The following CACNA1C variants were observed in gnomAD, a reference collection of about 807,000 sequenced individuals.
CACNA1C encodes voltage-dependent L-type calcium channel subunit alpha-1C.
In CACNA1C, 30 loss-of-function variants were observed where a neutral mutation model predicts 229.0. The observed-to-expected ratio is 0.13, with a 90% CI of 0.10 to 0.18. The LOEUF (loss-of-function observed/expected upper bound fraction) is 0.18. Ranked by LOEUF, CACNA1C falls within the 10% of genes least tolerant of loss-of-function variation. The pLI, the probability that CACNA1C is intolerant of heterozygous loss-of-function variation, is 1.00. For synonymous variants in CACNA1C, 1,114 were observed against 1,132.5 expected (o/e 0.98, Z 0.33); for missense variants, 1,658 against 2,845.0 (o/e 0.58, Z 9.49).
intron 1 of CACNA1C, among the ~76,000 whole-genome samples, chr12:2,085,561 G>A (rs1000907708): frequency 1.3e-5 from 2 of 152,124 alleles, no homozygotes; most frequent in South Asian, 2.1e-4. Flanking sequence ...ATTCAATTGA[G>A]TGGGGTAATT....
rs376987352 is a variant in CACNA1C at position 2,695,797 on chromosome 12, A to G, written c.*4598A>G. 3.3e-5 allele frequency: 5 copies of G among 152,184 alleles called. 1 individual carries two copies. In the East Asian group the frequency reaches 7.7e-4, roughly 23 times the overall value. The allele number at this position is 152,184 out of a possible 1,614,324, so 9.4% of individuals were successfully genotyped here. Reference sequence around the variant, plus strand: ...TCATTCATCAATTTATTCTTATGTCAAAGCAATGAAACTTTTCTTTCTGGA... The same window carrying G: ...TCATTCATCAATTTATTCTTATGTCGAAGCAATGAAACTTTTCTTTCTGGA... On this transcript the variant is annotated 3_prime_UTR_variant, in exon 47 of 47. Transcript: ENST00000399655.
In CACNA1C at chr12:2,665,551, C is replaced by T. The variant is rs1482963291; in HGVS notation, c.4399-30C>T. On this transcript the variant is annotated intron_variant, in intron 35 of 46. Coordinates refer to ENST00000399655, the MANE Select transcript of CACNA1C (RefSeq NM_000719.7). This position sits in a 1 kb window ranked among gnomAD's most constrained non-coding sequence, Gnocchi z 5.9. ...AGGCAGGTGTGTAGGAAGGTCTTCT[C>T]ACAGCACCTCATTGTACTGTTCCCC... The T allele has an allele frequency of 1.9e-6, 3 of 1,611,176 alleles. No individual in the cohort carries two copies. Among genetic ancestry groups the T allele is most frequent in the Non-Finnish European group, 1.7e-6 (2 of 1,178,218 alleles).
intron 3 of CACNA1C, among the ~76,000 whole-genome samples, chr12:2,256,733 C>T (rs1274860021): frequency 6.6e-6 from 1 of 151,954 alleles, no homozygotes; most frequent in African/African-American, 2.4e-5. Flanking sequence ...GCCTAATGAT[C>T]AGTTGTAAAC....
Position 2,319,774 on chromosome 12 carries a change from A to G in CACNA1C, c.478-129202A>G, listed in dbSNP as rs1200294434. 2.0e-5 allele frequency among the ~76,000 whole-genome samples: 3 copies of G among 152,144 alleles called. No homozygotes were observed. Among genetic ancestry groups the G allele is most frequent in the Non-Finnish European group, 4.4e-5 (3 of 68,020 alleles). On this transcript the variant is annotated intron_variant, in intron 3 of 46. Coordinates refer to ENST00000399655, the MANE Select transcript of CACNA1C (RefSeq NM_000719.7). This position sits in a 1 kb window ranked among gnomAD's most constrained non-coding sequence, Gnocchi z 4.0. Reference sequence around the variant, plus strand: ...ATGAGCATTCCTCAAGAAGGGAGACAGCAGAGCACTAGATGGGAAGGGGCT... The same window carrying G: ...ATGAGCATTCCTCAAGAAGGGAGACGGCAGAGCACTAGATGGGAAGGGGCT...
chr12:2,460,576 C>T (rs2099493781), intron 5 of CACNA1C, among the ~76,000 whole-genome samples: 1 of 152,200 alleles, frequency 6.6e-6, no homozygotes, highest in African/African-American at 2.4e-5. Context: ...GGAGCCCTGT[C>T]TCCATCTGCA....
intron 45 of CACNA1C, 125 bp from the exon 46 acceptor site, chr12:2,688,322 G>T (rs878926210): frequency 2.5e-6 from 2 of 808,880 alleles, no homozygotes; most frequent in East Asian, 2.6e-5. Context: ...TAATGGCATG[G>T]GAATACCAGG....
intron 3 of CACNA1C, among the ~76,000 whole-genome samples, chr12:2,367,420 C>T (rs926578108): frequency 1.6e-4 from 24 of 152,142 alleles, no homozygotes; most frequent in Admixed American, 1.3e-3. Context: ...AGTAAACACA[C>T]AGATATCCAG....
intron 3 of CACNA1C, among the ~76,000 whole-genome samples, chr12:2,347,205 C>A: frequency 6.6e-6 from 1 of 152,196 alleles, no homozygotes; most frequent in East Asian, 1.9e-4. Context: ...AATGAATGAA[C>A]AAATGCACCC....
intron 1 of CACNA1C, among the ~76,000 whole-genome samples, chr12:2,018,864 T>A (rs2045890321): frequency 1.3e-5 from 2 of 152,202 alleles, no homozygotes. Flanking sequence ...AACATTGGAT[T>A]TTCTTTCCTA....
chr12:2,462,706 C>T (rs1351341432), intron 5 of CACNA1C, among the ~76,000 whole-genome samples: 1 of 152,144 alleles, frequency 6.6e-6, no homozygotes, highest in Non-Finnish European at 1.5e-5. Context: ...GTGCCAGCTT[C>T]CTGGACATGT....
At chr12:2,643,612 G>A (rs575332486) in intron 30 of CACNA1C, among the ~76,000 whole-genome samples, 12 of 152,194 alleles carry the variant, frequency 7.9e-5, no homozygotes, top group African/African-American at 1.9e-4. Flanking sequence ...GTCTTGCCCC[G>A]CTGCCATACC....
rs182278986 is a variant in CACNA1C at position 2,270,573 on chromosome 12, G to A, written c.477+150143G>A. Among the ~76,000 whole-genome samples, 138 of 152,272 alleles carry A rather than the reference G, an allele frequency of 9.1e-4. 1 individual carries two copies. Among genetic ancestry groups the A allele is most frequent in the African/African-American group, 2.9e-3 (121 of 41,554 alleles). ...GAGTGGGGGCCACAGCACTCCAGAC[G>A]TGGTGATGGAACCCTCTACGGTATA... On this transcript the variant is annotated intron_variant, in intron 3 of 46. Transcript: ENST00000399655.
At position 2,648,526 on chromosome 12, in the gene CACNA1C, A is replaced by G. The variant is rs1364051124; in HGVS notation, c.3945+19A>G. 6.2e-7 allele frequency: 1 copy of G among 1,613,194 alleles called. No individual in the cohort carries two copies. The highest frequency in any genetic ancestry group is 8.5e-7 in the Non-Finnish European group (1 of 1,179,280). On this transcript the variant is annotated intron_variant, in intron 31 of 46. Transcript: ENST00000399655. ...CTCTATGGTAAGACCAACCCTCCCG[A>G]CCATGCTCCCGGCTTCCGTGTCCCC... is the stretch of plus-strand genomic sequence containing the variant.
chr12:2,536,193 T>C (rs1006049525), intron 9 of CACNA1C, among the ~76,000 whole-genome samples: 1 of 152,118 alleles, frequency 6.6e-6, no homozygotes, highest in Non-Finnish European at 1.5e-5. Flanking sequence ...CAGAAAGCAG[T>C]GAAGCAGGAA....
intron 5 of CACNA1C, among the ~76,000 whole-genome samples, chr12:2,476,932 T>C (rs951433814): frequency 6.6e-6 from 1 of 152,222 alleles, no homozygotes; most frequent in Non-Finnish European, 1.5e-5. Flanking sequence ...CTTTCCCCGT[T>C]TATAGGAAGC....
intron 4 of CACNA1C, 108 bp downstream of exon 4, chr12:2,449,223 C>A: frequency 1.3e-6 from 1 of 769,216 alleles, no homozygotes; most frequent in Non-Finnish European, 2.0e-6. Flanking sequence ...AAGATTTAGG[C>A]TCGCAGATGA....
intron 1 of CACNA1C, among the ~76,000 whole-genome samples, chr12:2,101,850 G>A (rs2076534851): frequency 6.6e-6 from 1 of 151,576 alleles, no homozygotes; most frequent in South Asian, 2.1e-4. Flanking sequence ...CTGCTGCCTG[G>A]GAAAGCTGTA....
intron 3 of CACNA1C, among the ~76,000 whole-genome samples, chr12:2,241,686 GC>G (rs1229447967): frequency 2.0e-5 from 3 of 152,130 alleles, no homozygotes; most frequent in African/African-American, 7.2e-5. Context: ...AGTCAGCTCT[GC>G]CTATTGTCCT....
chr12:2,150,901 A>G (rs1044877969), intron 3 of CACNA1C, among the ~76,000 whole-genome samples: 2 of 152,194 alleles, frequency 1.3e-5, no homozygotes, highest in Admixed American at 1.3e-4. Context: ...GGAAGGTGAC[A>G]TGTAAAAATG....
Sources: gnomAD v4.1 joint callset for allele counts (sites outside exome capture counted in the v4.1 genomes callset) on GRCh38, gnomAD v4.1.1 for gene constraint, Gnocchi (gnomAD v3.1) non-coding constraint, MANE v1.5 for transcripts, NCBI Gene and HGNC (gene_info 2026-07-23, HGNC 2026-07-21) for gene names.